Variants in SHROOM3 observed in about 807,000 individuals in gnomAD.
The protein encoded by SHROOM3 is protein Shroom3.
SHROOM3 carries 47 observed loss-of-function variants against 138.6 expected under a neutral mutation model. That is an observed-to-expected ratio of 0.34 (90% confidence interval 0.27 to 0.43). The LOEUF is 0.43. Among genes scored for constraint, SHROOM3 ranks in the 20% least tolerant of loss-of-function variants. The pLI is 1.00. For synonymous variants in SHROOM3, 1,062 were observed against 1,063.3 expected (o/e 1.00, Z 0.02); for missense variants, 2,491 against 2,596.5 (o/e 0.96, Z 0.88).
chr4:76,530,877 G>A (rs1732815238), intron 1 of SHROOM3, among the ~76,000 whole-genome samples: 1 of 152,112 alleles, frequency 6.6e-6, no homozygotes, highest in Non-Finnish European at 1.5e-5. Flanking sequence ...GGTGTTTGGA[G>A]GAATATCCTC....
intron 2 of SHROOM3, among the ~76,000 whole-genome samples, chr4:76,701,559 T>C (rs1719901602): frequency 6.6e-6 from 1 of 152,242 alleles, no homozygotes; most frequent in African/African-American, 2.4e-5. Context: ...AAGTGCTTTA[T>C]AAGCTATAAT....
chr4:76,535,437 T>C (rs912394944), intron 1 of SHROOM3, among the ~76,000 whole-genome samples: 24 of 152,280 alleles, frequency 1.6e-4, no homozygotes, highest in Non-Finnish European at 2.9e-4. Flanking sequence ...CTTAGGATTA[T>C]TTGGATAAAA....
At chr4:76,720,179 T>G (rs1338047078) in intron 3 of SHROOM3, among the ~76,000 whole-genome samples, 1 of 104,394 alleles carries the variant, frequency 9.6e-6, no homozygotes, top group Admixed American at 9.9e-5. Flanking sequence ...TTTTTTTTTT[T>G]TGTGAATCCA....
intron 1 of SHROOM3, among the ~76,000 whole-genome samples, chr4:76,522,487 T>C (rs12504108): frequency 6.6e-6 from 1 of 152,218 alleles, no homozygotes; most frequent in Admixed American, 6.5e-5. Flanking sequence ...GTCTAAGCTC[T>C]GACCAGGTTG....
At position 76,486,287 on chromosome 4, in the gene SHROOM3, G is replaced by C. The variant is rs571470680; in HGVS notation, c.168+50067G>C. On this transcript the variant is annotated intron_variant, in intron 1 of 10. Transcript: ENST00000296043. ...GATGACAGCTAATACAGTTTGAAAAGAATGTTTAAAATGTGCAGACAAAAG... is the reference window on the plus strand; with the variant it reads ...GATGACAGCTAATACAGTTTGAAAACAATGTTTAAAATGTGCAGACAAAAG... Among the ~76,000 whole-genome samples the C allele has an allele frequency of 6.7e-4, 102 of 152,310 alleles. No individual in the cohort carries two copies. The Middle Eastern group carries it at 0.01, about 15-fold the overall frequency.
At position 76,749,718 on chromosome 4, in the gene SHROOM3, G is replaced by A. The variant is rs530217675; in HGVS notation, c.3827+628G>A. 5.9e-5 allele frequency among the ~76,000 whole-genome samples: 9 copies of A among 152,252 alleles called. No homozygotes were observed. The South Asian group carries it at 8.3e-4, about 14-fold the overall frequency. On this transcript the variant is annotated intron_variant, in intron 6 of 10. Coordinates refer to ENST00000296043, the MANE Select transcript of SHROOM3 (RefSeq NM_020859.4). ...TGGGGATGGAAAACAGAGGAAAGTC[G>A]TTTTTTTAAAATGCCATCAAAATCA...
At chr4:76,751,680 G>A (rs72870097) in intron 6 of SHROOM3, among the ~76,000 whole-genome samples, 1 of 152,098 alleles carries the variant, frequency 6.6e-6, no homozygotes, top group Non-Finnish European at 1.5e-5. Context: ...TTTATCCAAA[G>A]ATGGCAGACA....
chr4:76,596,995 G>A (rs1265204016), intron 2 of SHROOM3, among the ~76,000 whole-genome samples: 1 of 152,132 alleles, frequency 6.6e-6, no homozygotes, highest in Non-Finnish European at 1.5e-5. Context: ...GGAAGAGCTG[G>A]TCTAGCCTCA....
chr4:76,659,242 T>G (rs906291633), intron 2 of SHROOM3, among the ~76,000 whole-genome samples: 6 of 152,082 alleles, frequency 3.9e-5, no homozygotes, highest in Admixed American at 1.3e-4. Flanking sequence ...TCTTCCTCAC[T>G]AGAGAGCCTC....
chr4:76,485,219 C>T (rs929631396), intron 1 of SHROOM3, among the ~76,000 whole-genome samples: 3 of 152,088 alleles, frequency 2.0e-5, no homozygotes, highest in Non-Finnish European at 4.4e-5. Context: ...CTGCAAATAA[C>T]CTGGACTCTG....
intron 2 of SHROOM3, among the ~76,000 whole-genome samples, chr4:76,597,629 C>T (rs1389862782): frequency 3.3e-5 from 5 of 152,104 alleles, no homozygotes; most frequent in African/African-American, 1.2e-4. Flanking sequence ...AAGGACAAAA[C>T]GTTCAGTGAC....
At chr4:76,635,809 T>A (rs1735478025) in intron 2 of SHROOM3, among the ~76,000 whole-genome samples, 1 of 152,180 alleles carries the variant, frequency 6.6e-6, no homozygotes, top group African/African-American at 2.4e-5. Context: ...GTCCTCTGGA[T>A]CATCAGGGTT....
intron 1 of SHROOM3, among the ~76,000 whole-genome samples, chr4:76,452,743 G>A (rs1730950237): frequency 6.6e-6 from 1 of 152,192 alleles, no homozygotes; most frequent in African/African-American, 2.4e-5. Flanking sequence ...TTGAGACAGA[G>A]TTTCACTCTT....
chr4:76,611,913 A>T (rs1331278155), intron 2 of SHROOM3, among the ~76,000 whole-genome samples: 1 of 152,214 alleles, frequency 6.6e-6, no homozygotes, highest in Non-Finnish European at 1.5e-5. Flanking sequence ...TGTTTGTTCA[A>T]CACAGGCTGA....
At chr4:76,466,023 C>T (rs527639988) in intron 1 of SHROOM3, among the ~76,000 whole-genome samples, 30 of 152,306 alleles carry the variant, frequency 2.0e-4, no homozygotes, top group African/African-American at 7.2e-4. Flanking sequence ...AGAACCTGAA[C>T]AGCATTTACG....
At chr4:76,481,626 C>T (rs914550429) in intron 1 of SHROOM3, among the ~76,000 whole-genome samples, 1 of 152,154 alleles carries the variant, frequency 6.6e-6, no homozygotes, top group African/African-American at 2.4e-5. Context: ...AGGGACTCCC[C>T]CCTAACTCAT....
At chr4:76,771,142 A>G (rs1244076209) in intron 10 of SHROOM3, among the ~76,000 whole-genome samples, 4 of 152,168 alleles carry the variant, frequency 2.6e-5, no homozygotes, top group Non-Finnish European at 5.9e-5. Flanking sequence ...AGGCAGGCGG[A>G]TCACCTGAGG....
At chr4:76,536,755 G>C (rs912057492) in intron 1 of SHROOM3, among the ~76,000 whole-genome samples, 2 of 152,050 alleles carry the variant, frequency 1.3e-5, no homozygotes, top group Admixed American at 1.3e-4. Context: ...TTCCTATCCA[G>C]CTCCAGCAAT....
At chr4:76,538,285 G>A (rs1384508086) in intron 1 of SHROOM3, among the ~76,000 whole-genome samples, 1 of 152,262 alleles carries the variant, frequency 6.6e-6, no homozygotes, top group African/African-American at 2.4e-5. Flanking sequence ...AGGAGGAGGT[G>A]GTCAGAGACT....
Sources: allele counts gnomAD v4.1 joint callset (sites outside exome capture counted in the v4.1 genomes callset), GRCh38; gene constraint gnomAD v4.1.1; transcripts MANE v1.5; gene names NCBI Gene and HGNC (gene_info 2026-07-23, HGNC 2026-07-21).